THSD7B: variants seen among roughly 807,000 people sequenced by gnomAD.
THSD7B encodes the protein thrombospondin type-1 domain-containing protein 7B.
THSD7B carries 138 observed loss-of-function variants against 213.6 expected under a neutral mutation model. That is an observed-to-expected ratio of 0.65 (90% CI 0.56 to 0.74). The LOEUF is 0.74. THSD7B is among the 30% of genes least tolerant of loss of function. The probability of loss-of-function intolerance (pLI) is 0.00; values close to 1 mark genes in which losing one functional copy is unlikely to be tolerated. For synonymous variants in THSD7B, 742 were observed against 687.0 expected (o/e 1.08, Z -1.25); for missense variants, 1,931 against 1,991.5 (o/e 0.97, Z 0.58).
intron 17 of THSD7B, among the ~76,000 whole-genome samples, chr2:137,573,148 A>G (rs963054119): frequency 7.9e-5 from 12 of 152,130 alleles, no homozygotes; most frequent in Admixed American, 7.9e-4. Context: ...AGTATGGCAA[A>G]ATAAATATTA....
At chr2:137,099,686 G>T (rs1231182302) in intron 4 of THSD7B, among the ~76,000 whole-genome samples, 1 of 152,168 alleles carries the variant, frequency 6.6e-6, no homozygotes, top group East Asian at 1.9e-4. Context: ...TGATCATTTA[G>T]AGTATGGAAT....
In THSD7B at chr2:137,596,116, T is replaced by A. The variant is rs141634246; in HGVS notation, c.3424-20059T>A. Among the ~76,000 whole-genome samples the A allele has an allele frequency of 3.7e-3, 567 of 152,052 alleles. 2 individuals are homozygous for A. Among genetic ancestry groups the A allele is most frequent in the African/African-American group, 0.013 (542 of 41,510 alleles). On this transcript the variant is annotated intron_variant, in intron 17 of 27. Transcript: ENST00000409968. ...AGCCAGAAAGGTTAAGAAGGACAGC[T>A]GGTAAAAGTCATACATCTTGCAAGC... is the stretch of plus-strand genomic sequence containing the variant.
intron 12 of THSD7B, among the ~76,000 whole-genome samples, chr2:137,365,341 C>T (rs1232948627): frequency 6.6e-6 from 1 of 152,206 alleles, no homozygotes; most frequent in Admixed American, 6.5e-5. Flanking sequence ...GCAAGGACTT[C>T]ATGACCAAAA....
chr2:137,408,176 A>C (rs947256168), intron 13 of THSD7B, among the ~76,000 whole-genome samples: 3 of 152,124 alleles, frequency 2.0e-5, no homozygotes, highest in Non-Finnish European at 4.4e-5. Context: ...CAGTGATGCT[A>C]TATAATTAAG....
rs367942025 is a variant in THSD7B at position 137,224,150 on chromosome 2, G to T, written c.1724-6894G>T. 1.6e-4 allele frequency among the ~76,000 whole-genome samples: 24 copies of T among 152,248 alleles called. 2 individuals carry two copies. Among genetic ancestry groups the T allele is most frequent in the Admixed American group, 1.2e-3 (19 of 15,300 alleles). ...TGTTGTTTTTGAGCAACTGCAGTTT[G>T]CTCCTAAATCATAGAGTCTGTTTCT... On this transcript the variant is annotated intron_variant, in intron 7 of 27. Coordinates refer to ENST00000409968, the MANE Select transcript of THSD7B (RefSeq NM_001316349.2).
intron 21 of THSD7B, among the ~76,000 whole-genome samples, chr2:137,646,955 G>C (rs75635167): frequency 0.024 from 3,635 of 152,072 alleles, 148 homozygotes; most frequent in African/African-American, 0.083. Flanking sequence ...TTTTGTGCCG[G>C]TATGTCTTTG....
chr2:136,979,004 G>A (rs1430133849), intron 2 of THSD7B, among the ~76,000 whole-genome samples: 1 of 151,612 alleles, frequency 6.6e-6, no homozygotes, highest in East Asian at 1.9e-4. Context: ...AATTCCCTTA[G>A]CATTTGGTTG....
At chr2:137,033,733 C>T (rs1156533125) in intron 2 of THSD7B, among the ~76,000 whole-genome samples, 2 of 152,124 alleles carry the variant, frequency 1.3e-5, no homozygotes, top group Non-Finnish European at 2.9e-5. Flanking sequence ...CTGCCTCAGC[C>T]TCCCAAGTAG....
At chr2:137,018,118 T>C (rs1272671047) in intron 2 of THSD7B, among the ~76,000 whole-genome samples, 1 of 152,138 alleles carries the variant, frequency 6.6e-6, no homozygotes, top group African/African-American at 2.4e-5. Context: ...CAATGCTCTC[T>C]TTTTAAAGTC....
At chr2:136,814,695 G>A (rs1175785394) in intron 1 of THSD7B, among the ~76,000 whole-genome samples, 1 of 152,110 alleles carries the variant, frequency 6.6e-6, no homozygotes, top group Non-Finnish European at 1.5e-5. Flanking sequence ...TATTGCCTTA[G>A]TATATAATTT....
At chr2:137,165,208 A>G (rs556058849) in intron 6 of THSD7B, among the ~76,000 whole-genome samples, 1 of 152,164 alleles carries the variant, frequency 6.6e-6, no homozygotes, top group East Asian at 1.9e-4. Context: ...TGCCTCCTGA[A>G]CTGTAGTCAC....
chr2:137,344,870 T>G (rs1159400468), intron 12 of THSD7B, among the ~76,000 whole-genome samples: 2 of 151,606 alleles, frequency 1.3e-5, no homozygotes, highest in Non-Finnish European at 3.0e-5. Context: ...GTGGCAGTGA[T>G]GAGGGGATAT....
intron 2 of THSD7B, among the ~76,000 whole-genome samples, chr2:137,008,780 G>T (rs1324899615): frequency 6.6e-6 from 1 of 152,192 alleles, no homozygotes; most frequent in African/African-American, 2.4e-5. Flanking sequence ...GAAGGAGATA[G>T]TGCCAGTTCA....
At chr2:137,659,161 C>T (rs17750257) in intron 24 of THSD7B, among the ~76,000 whole-genome samples, 13,244 of 152,174 alleles carry the variant, frequency 0.087, 647 homozygotes, top group Middle Eastern at 0.16. Context: ...TTCCAGTTGA[C>T]TTACATTTAA....
At chr2:137,116,145 T>C (rs1207303994) in intron 5 of THSD7B, among the ~76,000 whole-genome samples, 1 of 152,208 alleles carries the variant, frequency 6.6e-6, no homozygotes, top group Non-Finnish European at 1.5e-5. Context: ...TCATGCTAGA[T>C]GTCTTTGTGT....
Position 137,170,869 on chromosome 2 carries a change from T to C in THSD7B, c.1654T>C (p.Cys552Arg), listed in dbSNP as rs946183924. Residue 552 changes from cysteine (C) to arginine (R), a missense_variant, in exon 7 of 28, where the codon TGT becomes CGT. By Grantham distance (180) the Cys-to-Arg change is radical (BLOSUM62 -3). Transcript: ENST00000409968. ...CCGATGGCTGGCATCAGAAGGGATC[T>C]GTTTCCCTGATCATGGAAAATGTGG... ...CYRWLASEGI[C>R]FPDHGKCGLG... 1 of 1,613,618 alleles carries C rather than the reference T, an allele frequency of 6.2e-7. No individual in the cohort carries two copies. The highest frequency in any genetic ancestry group is 1.3e-5 in the African/African-American group (1 of 75,042).
intron 18 of THSD7B, among the ~76,000 whole-genome samples, chr2:137,617,559 G>A (rs1682430176): frequency 6.6e-6 from 1 of 152,010 alleles, no homozygotes; most frequent in African/African-American, 2.4e-5. Context: ...CTTTCCCGGA[G>A]CATCTCTTTT....
At chr2:137,657,219 G>C (rs931354917) in intron 24 of THSD7B, 59 bp downstream of exon 24, 1 of 1,507,852 alleles carries the variant, frequency 6.6e-7, no homozygotes, top group Admixed American at 1.9e-5. Flanking sequence ...GTTGTTATTT[G>C]TGAGAAGAAT....
chr2:137,112,697 A>G (rs922054839), intron 4 of THSD7B, among the ~76,000 whole-genome samples: 1 of 152,100 alleles, frequency 6.6e-6, no homozygotes, highest in Admixed American at 6.5e-5. Flanking sequence ...AACTTAGACC[A>G]TGGCAACTGT....
Sources: gnomAD v4.1 joint callset for allele counts (sites outside exome capture counted in the v4.1 genomes callset) on GRCh38, gnomAD v4.1.1 for gene constraint, MANE v1.5 for transcripts, NCBI Gene and HGNC (gene_info 2026-07-23, HGNC 2026-07-21) for gene names.